Variants in PNPLA5 observed in about 807,000 individuals in gnomAD.
PNPLA5 encodes the protein patatin like domain 5, triacylglycerol lipase.
Under a neutral mutation model 49.1 loss-of-function variants are expected in PNPLA5, and 44 were observed. The ratio of observed to expected loss-of-function variants is 0.90; its 90% CI spans 0.70 to 1.15. PNPLA5 has a LOEUF of 1.15. Among genes scored for constraint, PNPLA5 ranks in the 50% most tolerant of loss-of-function variants. The pLI is 0.00. For missense variants in PNPLA5, 603 were observed against 564.0 expected, an observed-to-expected ratio of 1.07 and a Z score of -0.70; for synonymous variants, 243 against 244.4, an observed-to-expected ratio of 0.99 and a Z score of 0.06.
At chr22:43,884,574 T>A in intron 6 of PNPLA5, 1 of 231,382 alleles carries the variant, frequency 4.3e-6, no homozygotes, top group Non-Finnish European at 7.1e-6. Context: ...AGGTTCAGAG[T>A]GGAGAAGTGA....
At chr22:43,881,215 C>G (rs1217462230) in intron 8 of PNPLA5, among the ~76,000 whole-genome samples, 1 of 152,210 alleles carries the variant, frequency 6.6e-6, no homozygotes, top group Non-Finnish European at 1.5e-5. Context: ...ACAGGGCCAG[C>G]CTCGTCCAAG....
chr22:43,884,431 C>T, intron 6 of PNPLA5, 86 bp from the exon 7 acceptor site: 1 of 1,426,738 alleles, frequency 7.0e-7, no homozygotes, highest in Non-Finnish European at 9.2e-7. Context: ...CAGTAAGAGA[C>T]TGCACCCCCT....
chr22:43,883,832 G>T (rs1157504675), intron 7 of PNPLA5, among the ~76,000 whole-genome samples: 1 of 151,432 alleles, frequency 6.6e-6, no homozygotes, highest in African/African-American at 2.4e-5. Flanking sequence ...GAAAAGAAAA[G>T]AAAGAAAAGA....
intron 1 of PNPLA5, 24 bp downstream of exon 1, chr22:43,891,664 T>C: frequency 1.3e-6 from 2 of 1,525,560 alleles, no homozygotes; most frequent in Non-Finnish European, 1.8e-6. Flanking sequence ...CCGCCCCTTT[T>C]CGCCCCCGCG....
At chr22:43,891,490 T>A (rs2083978472) in intron 1 of PNPLA5, 196 bp from the exon 2 acceptor site, 1 of 910,770 alleles carries the variant, frequency 1.1e-6, no homozygotes, top group African/African-American at 1.8e-5. Flanking sequence ...AAACAGAGTT[T>A]CTGGCTCTGA....
chr22:43,886,289 G>C lies in PNPLA5; in HGVS notation c.949+14C>G, dbSNP rs1352179240. On this transcript the variant is annotated intron_variant, in intron 6 of 8. Coordinates refer to ENST00000216177, the MANE Select transcript of PNPLA5 (RefSeq NM_138814.4). ...GGGCCCTGGTAGGTGAGCAAATGCA[G>C]GTAGAGTCCCTACCAGCCTCCAGCT... is the stretch of plus-strand genomic sequence containing the variant. 3 of 1,605,790 alleles carry C rather than the reference G, an allele frequency of 1.9e-6. No individual in the cohort carries two copies. Among genetic ancestry groups the C allele is most frequent in the Non-Finnish European group, 2.6e-6 (3 of 1,175,430 alleles).
In PNPLA5 at chr22:43,892,001, T is replaced by C; in HGVS notation, c.-121A>G. ...ATGTGGGCTCTGGAGGGAGCCGGGCTGGGGCTGGTGCTGGTGCTCCCTGCG... is the reference window on the plus strand; with the variant it reads ...ATGTGGGCTCTGGAGGGAGCCGGGCCGGGGCTGGTGCTGGTGCTCCCTGCG... On this transcript the variant is annotated 5_prime_UTR_variant, in exon 1 of 9. Coordinates refer to ENST00000216177, the MANE Select transcript of PNPLA5 (RefSeq NM_138814.4). 1 of 1,045,024 alleles carries C rather than the reference T, an allele frequency of 9.6e-7. No homozygotes were observed. 64.7% of individuals were successfully genotyped at this position (1,045,024 alleles called of 1,614,324 possible). A position where few individuals can be genotyped will look rare whatever the true frequency, so the allele number is the denominator to read the frequency against.
chr22:43,887,383 C>G (rs2049676719), intron 5 of PNPLA5, among the ~76,000 whole-genome samples: 1 of 152,214 alleles, frequency 6.6e-6, no homozygotes, highest in Admixed American at 6.5e-5. Context: ...GTCTGTCCCC[C>G]TGTACCAGGC....
intron 5 of PNPLA5, 148 bp from the exon 6 acceptor site, chr22:43,886,636 T>G: frequency 7.0e-7 from 1 of 1,419,926 alleles, no homozygotes; most frequent in Non-Finnish European, 9.2e-7. Flanking sequence ...ATGACTCCCT[T>G]CTGCCTTCCC....
intron 5 of PNPLA5, among the ~76,000 whole-genome samples, chr22:43,886,798 A>G (rs1055250894): frequency 1.3e-5 from 2 of 152,188 alleles, no homozygotes; most frequent in African/African-American, 4.8e-5. Flanking sequence ...CTCTGTAAAA[A>G]AGGAAAAGTA....
At chr22:43,890,749 G>T (rs1299942685) in intron 2 of PNPLA5, among the ~76,000 whole-genome samples, 1 of 152,212 alleles carries the variant, frequency 6.6e-6, no homozygotes, top group African/African-American at 2.4e-5. Flanking sequence ...AAAGCGGCGG[G>T]AGGATGGAGT....
rs2049697963 is a variant in PNPLA5, at chr22:43,889,335, G to C, written c.696C>G (p.Ser232Arg). The change falls in exon 4 of 9, where the codon AGC (serine) becomes AGG (arginine). Residue 232 changes from serine (S) to arginine (R), a missense_variant. Ser to Arg is a moderately radical substitution (Grantham distance 110). Coordinates refer to ENST00000216177, the MANE Select transcript of PNPLA5 (RefSeq NM_138814.4). The stretch of plus-strand genomic sequence containing the variant: ...ATCACAGGGCCAGACCTACCTCGAG[G>C]CTGGGGGGTATGAGACATATGAGCC... The part of the protein sequence containing the change: ...FLGLICLIPP[S>R]LEVVADNCRQ... 1 of 1,613,858 alleles carries C rather than the reference G, an allele frequency of 6.2e-7. No homozygotes were observed. The highest frequency in any genetic ancestry group is 8.5e-7 in the Non-Finnish European group (1 of 1,180,014).
At chr22:43,886,948 T>A (rs1196773900) in intron 5 of PNPLA5, among the ~76,000 whole-genome samples, 2 of 152,166 alleles carry the variant, frequency 1.3e-5, no homozygotes, top group African/African-American at 4.8e-5. Context: ...CTTGAGCACA[T>A]GAGTTCTGGA....
In PNPLA5 at chr22:43,884,242, G is replaced by A; in HGVS notation, c.1053C>T (p.Pro351=). The part of the protein sequence containing the change: ...LTYLLLPCTL[P]FEYIYFRSRR... ...TGCTGCGGAAGTAGATGTACTCGAA[G>A]GGCAGTGTGCAGGGTAGCAGCAGGT... The change falls in exon 7 of 9, where the codon CCC becomes CCT. Residue 351 remains proline, a synonymous_variant. Transcript: ENST00000216177. 1 of 1,580,492 alleles carries A rather than the reference G, an allele frequency of 6.3e-7. No homozygotes were observed. Among genetic ancestry groups the A allele is most frequent in the African/African-American group, 1.4e-5 (1 of 73,020 alleles).
intron 7 of PNPLA5, 74 bp downstream of exon 7, chr22:43,884,130 AGTGTGCCAG>A: frequency 1.8e-6 from 1 of 556,886 alleles, no homozygotes. Context: ...CTACCCACCC[AGTGTGCCAG>A]CCGCCCCTCC....
intron 6 of PNPLA5, among the ~76,000 whole-genome samples, chr22:43,884,659 C>T (rs1174371841): frequency 6.6e-6 from 1 of 152,230 alleles, no homozygotes; most frequent in Non-Finnish European, 1.5e-5. Flanking sequence ...TGAGTTGTTT[C>T]TACCTCTTCT....
Position 43,880,422 on chromosome 22 carries a change from G to A in PNPLA5, c.*373C>T, listed in dbSNP as rs771034412. On this transcript the variant is annotated 3_prime_UTR_variant, in exon 9 of 9. Transcript: ENST00000216177. ...GTTGGCTCCTCTGGTCTCTGACGCG[G>A]GCATCAGGCACTTTCTCAATCTTCT... 17 of 398,644 alleles carry A rather than the reference G, an allele frequency of 4.3e-5. No homozygotes were observed. The highest frequency in any genetic ancestry group is 6.6e-5 in the Non-Finnish European group (15 of 226,194). The allele number at this position is 398,644 out of a possible 1,614,324, so 24.7% of individuals were successfully genotyped here. A position where few individuals can be genotyped will look rare whatever the true frequency, so the allele number is the denominator to read the frequency against.
Position 43,880,764 on chromosome 22 carries a change from C to G in PNPLA5, c.*31G>C, listed in dbSNP as rs41278863. ...AGGCCAGAGCAGGAATCAAGGGACA[C>G]CAGTCACTGGGCTGGCCCTGCTCGG... On this transcript the variant is annotated 3_prime_UTR_variant, in exon 9 of 9. Transcript: ENST00000216177. 1.9e-5 allele frequency: 25 copies of G among 1,309,286 alleles called. No individual in the cohort carries two copies. Among genetic ancestry groups the G allele is most frequent in the Admixed American group, 3.8e-5 (1 of 26,390 alleles). 81.1% of individuals were successfully genotyped at this position (1,309,286 alleles called of 1,614,324 possible). A position where few individuals can be genotyped will look rare whatever the true frequency, so the allele number is the denominator to read the frequency against.
At chr22:43,884,370 C>A in intron 6 of PNPLA5, 25 bp from the exon 7 acceptor site, 1 of 1,523,708 alleles carries the variant, frequency 6.6e-7, no homozygotes. Flanking sequence ...CTGGCATGGC[C>A]CTGCCCACCT....
Sources: gnomAD v4.1 joint callset for allele counts (sites outside exome capture counted in the v4.1 genomes callset) on GRCh38, gnomAD v4.1.1 for gene constraint, MANE v1.5 for transcripts, NCBI Gene and HGNC (gene_info 2026-07-23, HGNC 2026-07-21) for gene names.